The following VWA5B1 variants were observed in gnomAD, a reference collection of about 807,000 sequenced individuals.
VWA5B1 encodes von Willebrand factor A domain containing 5B1, also known as von Willebrand factor A domain-containing protein 5B1.
VWA5B1 carries 115 observed loss-of-function variants against 118.2 expected under a neutral mutation model. That is an observed-to-expected ratio of 0.97 (90% confidence interval 0.84 to 1.14). VWA5B1 has a LOEUF of 1.14. Ranked by LOEUF, VWA5B1 falls within the 50% of genes most tolerant of loss-of-function variation. The probability of loss-of-function intolerance (pLI) is 0.00; values close to 1 mark genes in which losing one functional copy is unlikely to be tolerated. For synonymous variants in VWA5B1, 682 were observed against 658.4 expected (o/e 1.04, Z -0.55); for missense variants, 1,596 against 1,603.8 (o/e 1.00, Z 0.08).
rs1416435559 is a variant in VWA5B1 at position 20,357,246 on chromosome 1, T to C, written c.*2983T>C. On this transcript the variant is annotated 3_prime_UTR_variant, in exon 22 of 22. Transcript: ENST00000289815. ...GTGTGCTGTGTGACTTCTGGCAAATTACTTGCTTTCTCTGAACCCCTGTTT... is the reference window on the plus strand; with the variant it reads ...GTGTGCTGTGTGACTTCTGGCAAATCACTTGCTTTCTCTGAACCCCTGTTT... Among the ~76,000 whole-genome samples the C allele has an allele frequency of 6.6e-6, 1 of 152,212 alleles. No individual in the cohort carries two copies. Among genetic ancestry groups the C allele is most frequent in the Non-Finnish European group, 1.5e-5 (1 of 68,038 alleles).
chr1:20,358,469 CT>C lies in VWA5B1; in HGVS notation c.*4207del, dbSNP rs1401725966. ...AGGGAAGGAGGAAAGGGGGTCTCCC[CT>C]ATCTGTGTACAGTCTGCCCCCCCAC... On this transcript the variant is annotated 3_prime_UTR_variant, in exon 22 of 22. Transcript: ENST00000289815. Among the ~76,000 whole-genome samples, 3 of 152,170 alleles carry C rather than the reference CT, an allele frequency of 2.0e-5. No individual in the cohort carries two copies. Among genetic ancestry groups the C allele is most frequent in the Non-Finnish European group, 4.4e-5 (3 of 68,038 alleles).
chr1:20,293,738 T>C (rs1436927849), intron 1 of VWA5B1, among the ~76,000 whole-genome samples: 1 of 152,106 alleles, frequency 6.6e-6, no homozygotes, highest in East Asian at 1.9e-4. Flanking sequence ...GGTGCACAAG[T>C]CTTTTCATCC....
chr1:20,296,462 C>T (rs986765368), intron 1 of VWA5B1, among the ~76,000 whole-genome samples: 4 of 152,156 alleles, frequency 2.6e-5, no homozygotes, highest in South Asian at 4.1e-4. Flanking sequence ...TAAATGAGAA[C>T]CTGGCATTTA....
chr1:20,331,011 T>C lies in VWA5B1; in HGVS notation c.1572+28T>C, dbSNP rs1399945165. ...AGGCAGCAGAACCCACGCAGTCCCT[T>C]CTGGTGCTGGAACCTCAGAGGCTCA... On this transcript the variant is annotated intron_variant, in intron 11 of 21. Coordinates refer to ENST00000289815, the MANE Select transcript of VWA5B1 (RefSeq NM_001039500.3). 62 of 1,512,148 alleles carry C rather than the reference T, an allele frequency of 4.1e-5. 1 individual carries two copies. The highest frequency in any genetic ancestry group is 8.9e-7 in the Non-Finnish European group (1 of 1,127,176). The allele number at this position is 1,512,148 out of a possible 1,614,324, so 93.7% of individuals were successfully genotyped here. A position where few individuals can be genotyped will look rare whatever the true frequency, so the allele number is the denominator to read the frequency against.
Position 20,330,202 on chromosome 1 carries a change from A to G in VWA5B1, c.1277A>G (p.Asp426Gly), listed in dbSNP as rs774653495. The change falls in exon 10 of 22, where the codon GAT becomes GGT. Residue 426 changes from aspartate (D) to glycine (G), a missense_variant. By Grantham distance (94) the Asp-to-Gly change is moderately conservative (BLOSUM62 -1). Coordinates refer to ENST00000289815, the MANE Select transcript of VWA5B1 (RefSeq NM_001039500.3). Reference protein sequence around the residue: ...YSEDSLAMACDDIQRMKADMG... With the variant: ...YSEDSLAMACGDIQRMKADMG... The stretch of plus-strand genomic sequence containing the variant: ...CAGGACAGCTTGGCCATGGCTTGTG[A>G]TGACATCCAGAGAATGAAGGCCGAC... 1 of 1,551,666 alleles carries G rather than the reference A, an allele frequency of 6.4e-7. No homozygotes were observed. The highest frequency in any genetic ancestry group is 1.2e-5 in the South Asian group (1 of 84,042).
chr1:20,322,662 C>T (rs535177627), intron 7 of VWA5B1, among the ~76,000 whole-genome samples: 9 of 152,164 alleles, frequency 5.9e-5, no homozygotes, highest in Admixed American at 3.9e-4. Flanking sequence ...CCTCCAGGAC[C>T]AACAACAGCA....
intron 14 of VWA5B1, among the ~76,000 whole-genome samples, chr1:20,341,111 G>T (rs1216006753): frequency 1.3e-5 from 2 of 152,096 alleles, no homozygotes; most frequent in Non-Finnish European, 2.9e-5. Context: ...TTTCACTTTG[G>T]CATGAAGAAA....
Position 20,319,422 on chromosome 1 carries a change from G to T in VWA5B1, c.882G>T (p.Met294Ile), listed in dbSNP as rs1430486012. The T allele has an allele frequency of 6.4e-7, 1 of 1,551,666 alleles. No individual in the cohort carries two copies. Among genetic ancestry groups the T allele is most frequent in the Non-Finnish European group, 8.7e-7 (1 of 1,147,026 alleles). Reference sequence around the variant, plus strand: ...ATGTCCTGATAGAGAAAGGGGACATGACCCTGGGAGAGTTTGACCAGCACT... The same window carrying T: ...ATGTCCTGATAGAGAAAGGGGACATTACCCTGGGAGAGTTTGACCAGCACT... The part of the protein sequence containing the change: ...MPHVLIEKGD[M>I]TLGEFDQHLK... Residue 294 changes from methionine to isoleucine, a missense_variant, in exon 7 of 22, where the codon ATG becomes ATT. Transcript: ENST00000289815.
At chr1:20,338,057 C>T (rs2089773918) in intron 14 of VWA5B1, 3 of 693,072 alleles carry the variant, frequency 4.3e-6, no homozygotes, top group East Asian at 2.8e-5. Context: ...CCTGCACACA[C>T]ACTGCCCAGT....
In VWA5B1 at chr1:20,356,803, A is replaced by C. The variant is rs1018805037; in HGVS notation, c.*2540A>C. Among the ~76,000 whole-genome samples, 1 of 152,212 alleles carries C rather than the reference A, an allele frequency of 6.6e-6. No homozygotes were observed. The highest frequency in any genetic ancestry group is 1.5e-5 in the Non-Finnish European group (1 of 68,028). On this transcript the variant is annotated 3_prime_UTR_variant, in exon 22 of 22. Transcript: ENST00000289815. ...ATTGGTTGCAAATAACCCAAGAGCT[A>C]TGGGGGCAGGTCTGGACAAGAGACA... is the stretch of plus-strand genomic sequence containing the variant.
chr1:20,324,306 C>T (rs984139029), intron 8 of VWA5B1, among the ~76,000 whole-genome samples: 4 of 152,150 alleles, frequency 2.6e-5, no homozygotes, highest in African/African-American at 9.7e-5. Flanking sequence ...GAGAGCTCCT[C>T]AGGAGGGTGG....
chr1:20,343,509 CGCCCACCT>C, intron 16 of VWA5B1, 116 bp downstream of exon 16: 7 of 1,414,200 alleles, frequency 4.9e-6, no homozygotes, highest in Non-Finnish European at 1.8e-6. Flanking sequence ...CCGCGTGGTC[CGCCCACCT>C]GCTTCCCGGG....
At chr1:20,322,236 G>T (rs966246879) in intron 7 of VWA5B1, among the ~76,000 whole-genome samples, 1 of 152,198 alleles carries the variant, frequency 6.6e-6, no homozygotes, top group African/African-American at 2.4e-5. Flanking sequence ...TGGGTGGGTG[G>T]TGATGTCATC....
Position 20,314,421 on chromosome 1 carries a change from A to C in VWA5B1, c.392A>C (p.Asn131Thr). 6.4e-7 allele frequency: 1 copy of C among 1,551,876 alleles called. No individual in the cohort carries two copies. Among genetic ancestry groups the C allele is most frequent in the South Asian group, 1.2e-5 (1 of 84,046 alleles). ...TTGGAGCGGATCCTGTTCGTGGCCA[A>C]CCTGGGGACCATTGCCCCCATGGAG... Reference protein sequence around the residue: ...EDLERILFVANLGTIAPMENV... With the variant: ...EDLERILFVATLGTIAPMENV... The change falls in exon 4 of 22, where the codon AAC (asparagine) becomes ACC (threonine). Residue 131 changes from asparagine to threonine, a missense_variant. Physicochemically the swap from Asn to Thr is moderately conservative, Grantham distance 65. Transcript: ENST00000289815.
At position 20,302,590 on chromosome 1, in the gene VWA5B1, G is replaced by A. The variant is rs144937183; in HGVS notation, c.-26-7986G>A. Among the ~76,000 whole-genome samples the A allele has an allele frequency of 1.7e-3, 262 of 152,300 alleles. 1 individual carries two copies. The highest frequency in any genetic ancestry group is 6.8e-3 in the Middle Eastern group (2 of 294). On this transcript the variant is annotated intron_variant, in intron 1 of 21. Coordinates refer to ENST00000289815, the MANE Select transcript of VWA5B1 (RefSeq NM_001039500.3). ...GGGCCCTGTACTTCTTGGTCATTGC[G>A]GTAGCCCAGCCTAGCAGTGTCTGGC...
At chr1:20,293,802 G>A (rs780031543) in intron 1 of VWA5B1, among the ~76,000 whole-genome samples, 5 of 152,152 alleles carry the variant, frequency 3.3e-5, no homozygotes, top group East Asian at 1.9e-4. Flanking sequence ...TGGGATCAGC[G>A]GTATTCTGTG....
rs1292216253 is a variant in VWA5B1 at position 20,323,536 on chromosome 1, C to A, written c.1143+4C>A. ...GATCAGCATGCACCGAGTCAAGGTACCTGCTGAGAGAACCCCTCCCGAGGA... is the reference window on the plus strand; with the variant it reads ...GATCAGCATGCACCGAGTCAAGGTAACTGCTGAGAGAACCCCTCCCGAGGA... On this transcript the variant is annotated splice_donor_region_variant and intron_variant, in intron 8 of 21. Coordinates refer to ENST00000289815, the MANE Select transcript of VWA5B1 (RefSeq NM_001039500.3). The A allele has an allele frequency of 3.0e-5, 42 of 1,419,156 alleles. No individual in the cohort carries two copies. The highest frequency in any genetic ancestry group is 3.8e-5 in the Non-Finnish European group (41 of 1,076,680). 87.9% of individuals were successfully genotyped at this position (1,419,156 alleles called of 1,614,324 possible). A position where few individuals can be genotyped will look rare whatever the true frequency, so the allele number is the denominator to read the frequency against.
intron 4 of VWA5B1, among the ~76,000 whole-genome samples, chr1:20,315,779 G>A (rs1235200838): frequency 3.3e-5 from 5 of 152,202 alleles, no homozygotes; most frequent in Admixed American, 1.3e-4. Flanking sequence ...GTGACAAGGG[G>A]GAACGTGCAG....
chr1:20,294,564 C>G (rs1362123190), intron 1 of VWA5B1, among the ~76,000 whole-genome samples: 5 of 152,212 alleles, frequency 3.3e-5, no homozygotes, highest in African/African-American at 7.2e-5. Flanking sequence ...ACCGCAACCT[C>G]CGCCTCCCAG....
Sources: gnomAD v4.1 joint callset for allele counts (sites outside exome capture counted in the v4.1 genomes callset) on GRCh38, gnomAD v4.1.1 for gene constraint, MANE v1.5 for transcripts, NCBI Gene and HGNC (gene_info 2026-07-23, HGNC 2026-07-21) for gene names.